SYT9: variants seen among roughly 807,000 people sequenced by gnomAD.
The protein encoded by SYT9 is synaptotagmin-9.
In SYT9, 22 loss-of-function variants were observed where a neutral mutation model predicts 48.4. The observed-to-expected ratio is 0.45, with a 90% CI of 0.32 to 0.65. The LOEUF (loss-of-function observed/expected upper bound fraction) is 0.65, where lower values mean the gene tolerates loss of function less well. SYT9 is among the 30% of genes least tolerant of loss of function. The pLI is 0.03. For missense variants in SYT9, 577 were observed against 622.0 expected (o/e 0.93, Z 0.77); for synonymous variants, 265 against 245.0 (o/e 1.08, Z -0.76).
intron 3 of SYT9, among the ~76,000 whole-genome samples, chr11:7,408,933 G>A (rs1349012710): frequency 1.3e-5 from 2 of 152,100 alleles, no homozygotes; most frequent in African/African-American, 4.8e-5. Context: ...AATAAGAGTG[G>A]TGAAAGTGGG....
chr11:7,447,428 T>C (rs955860247), intron 6 of SYT9, among the ~76,000 whole-genome samples: 2 of 152,232 alleles, frequency 1.3e-5, no homozygotes, highest in African/African-American at 2.4e-5. Context: ...TCTAGTACCC[T>C]GGCAACACTG....
At chr11:7,344,718 C>CAT (rs1370618993) in intron 3 of SYT9, among the ~76,000 whole-genome samples, 1 of 152,080 alleles carries the variant, frequency 6.6e-6, no homozygotes, top group Non-Finnish European at 1.5e-5. Flanking sequence ...AATAATTGAT[C>CAT]ATATATATGA....
intron 1 of SYT9, among the ~76,000 whole-genome samples, chr11:7,297,028 G>C (rs986202730): frequency 6.6e-6 from 1 of 151,282 alleles, no homozygotes; most frequent in African/African-American, 2.4e-5. Flanking sequence ...ATCATCTGAG[G>C]ATCAGGAAAA....
At chr11:7,366,135 G>A (rs1850237533) in intron 3 of SYT9, among the ~76,000 whole-genome samples, 1 of 152,326 alleles carries the variant, frequency 6.6e-6, no homozygotes, top group South Asian at 2.1e-4. Flanking sequence ...TCAGTCATGA[G>A]GACATGTTGA....
intron 1 of SYT9, among the ~76,000 whole-genome samples, chr11:7,270,376 A>G (rs1407126683): frequency 1.3e-5 from 2 of 152,186 alleles, no homozygotes; most frequent in African/African-American, 4.8e-5. Context: ...TGAATACTCA[A>G]TTAACTGCCA....
chr11:7,432,557 A>G (rs1847597255), intron 6 of SYT9, among the ~76,000 whole-genome samples: 2 of 7,046 alleles, frequency 2.8e-4, no homozygotes, highest in African/African-American at 1.3e-3. Flanking sequence ...CAAAAAAAAA[A>G]AAAAAAAAAA....
intron 1 of SYT9, among the ~76,000 whole-genome samples, chr11:7,283,597 T>C (rs1223493120): frequency 6.6e-6 from 1 of 152,088 alleles, no homozygotes; most frequent in Non-Finnish European, 1.5e-5. Context: ...TAAAATAAAA[T>C]AAGGTTTAAG....
intron 1 of SYT9, among the ~76,000 whole-genome samples, chr11:7,263,085 T>A (rs1447814480): frequency 6.6e-6 from 1 of 152,136 alleles, no homozygotes. Context: ...AGTGTAGGCA[T>A]TTAGGCACCA....
At chr11:7,376,108 C>A (rs74053610) in intron 3 of SYT9, among the ~76,000 whole-genome samples, 5,773 of 152,120 alleles carry the variant, frequency 0.038, 385 homozygotes, top group African/African-American at 0.13. Context: ...TGGCAACTTG[C>A]ATGACAACTC....
upstream of SYT9, among the ~76,000 whole-genome samples, chr11:7,250,453 C>CT (rs1449514957): frequency 4.1e-5 from 4 of 97,464 alleles, no homozygotes; most frequent in Non-Finnish European, 6.5e-5. Flanking sequence ...CCCCCGCCAC[C>CT]CCCCCCCAGC....
chr11:7,342,523 C>A (rs1403337763), intron 3 of SYT9, among the ~76,000 whole-genome samples: 1 of 152,216 alleles, frequency 6.6e-6, no homozygotes, highest in African/African-American at 2.4e-5. Context: ...ATCCAGGTCA[C>A]ACTAATGCAA....
intron 6 of SYT9, among the ~76,000 whole-genome samples, chr11:7,463,792 G>C (rs976697846): frequency 2.6e-5 from 4 of 152,172 alleles, no homozygotes; most frequent in African/African-American, 9.7e-5. Flanking sequence ...CCTTAAGAAG[G>C]GGGAGACCAG....
At chr11:7,401,994 A>G (rs1846903550) in intron 3 of SYT9, among the ~76,000 whole-genome samples, 1 of 151,898 alleles carries the variant, frequency 6.6e-6, no homozygotes, top group African/African-American at 2.4e-5. Context: ...ATTTCCTCAT[A>G]AGCACTACTT....
chr11:7,302,814 C>A (rs1848947527), intron 1 of SYT9, among the ~76,000 whole-genome samples: 1 of 152,196 alleles, frequency 6.6e-6, no homozygotes, highest in African/African-American at 2.4e-5. Context: ...GGCTTGCATG[C>A]TATGGTACCT....
intron 1 of SYT9, among the ~76,000 whole-genome samples, chr11:7,245,399 G>C (rs1847780553): frequency 6.6e-6 from 1 of 151,864 alleles, no homozygotes; most frequent in African/African-American, 2.4e-5. Flanking sequence ...TTTTTCCAAA[G>C]GCCTTTTTCT....
chr11:7,438,283 G>A (rs945320441), intron 6 of SYT9: 5 of 152,190 alleles, frequency 3.3e-5, no homozygotes, highest in African/African-American at 1.2e-4. Flanking sequence ...GATAACTGCT[G>A]TGCGGGCTTT....
At chr11:7,263,538 G>T (rs1182620178) in intron 1 of SYT9, among the ~76,000 whole-genome samples, 1 of 152,182 alleles carries the variant, frequency 6.6e-6, no homozygotes, top group East Asian at 1.9e-4. Flanking sequence ...CTGGTTAGAA[G>T]TCAGAGAAAT....
At chr11:7,362,915 G>A (rs1850171074) in intron 3 of SYT9, among the ~76,000 whole-genome samples, 2 of 54,008 alleles carry the variant, frequency 3.7e-5, no homozygotes, top group South Asian at 6.1e-4. Flanking sequence ...TTAAATTTTT[G>A]TCTCTTTTAT....
At chr11:7,260,291 G>A (rs1409405801) in intron 1 of SYT9, among the ~76,000 whole-genome samples, 1 of 152,210 alleles carries the variant, frequency 6.6e-6, no homozygotes, top group East Asian at 1.9e-4. Context: ...TAGCTGACTT[G>A]AGTGGATCTG....
Sources: gnomAD v4.1 joint callset for allele counts (sites outside exome capture counted in the v4.1 genomes callset) on GRCh38, gnomAD v4.1.1 for gene constraint, MANE v1.5 for transcripts, NCBI Gene and HGNC (gene_info 2026-07-23, HGNC 2026-07-21) for gene names.